The following MYO15A variants were observed in gnomAD, a reference collection of about 807,000 sequenced individuals.
The protein encoded by MYO15A is unconventional myosin-XV.
In MYO15A, 308 loss-of-function variants were observed where a neutral mutation model predicts 394.6. That is an observed-to-expected ratio of 0.78 (90% CI 0.71 to 0.86). The LOEUF (loss-of-function observed/expected upper bound fraction) is 0.86, where lower values mean the gene tolerates loss of function less well. Ranked by LOEUF, MYO15A falls within the 40% of genes least tolerant of loss-of-function variation. MYO15A has a pLI of 0.00. For missense variants in MYO15A, 4,606 were observed against 4,799.1 expected (o/e 0.96, Z 1.19); for synonymous variants, 1,957 against 2,003.8 (o/e 0.98, Z 0.62).
At position 18,146,025 on chromosome 17, in the gene MYO15A, A is replaced by G; in HGVS notation, c.6427A>G (p.Asn2143Asp). 1 of 1,613,974 alleles carries G rather than the reference A, an allele frequency of 6.2e-7. No individual in the cohort carries two copies. Among genetic ancestry groups the G allele is most frequent in the South Asian group, 1.1e-5 (1 of 91,082 alleles). ...NQVWHNHNAH[N>D]AERGWLLLAA... ...GGTGTGGCACAATCACAATGCCCAC[A>G]ATGCTGAGCGGGGCTGGCTGCTGCT... Residue 2143 changes from asparagine to aspartate, a missense_variant, in exon 30 of 66, where the codon AAT becomes GAT. By Grantham distance (23) the Asn-to-Asp change is conservative. Around this residue, in one of 2 missense-constraint regions of MYO15A, gnomAD observed 2,776 missense variants for 3,109.3 expected, o/e 0.89. Coordinates refer to ENST00000647165, the MANE Select transcript of MYO15A (RefSeq NM_016239.4).
At chr17:18,171,917 G>A in intron 63 of MYO15A, 146 bp downstream of exon 63, 1 of 1,391,582 alleles carries the variant, frequency 7.2e-7, no homozygotes, top group African/African-American at 1.4e-5. Context: ...GAGAAAACAT[G>A]TCTTTACATT....
At chr17:18,162,032 C>A (rs1029472961) in intron 57 of MYO15A, among the ~76,000 whole-genome samples, 5 of 152,170 alleles carry the variant, frequency 3.3e-5, no homozygotes, top group Non-Finnish European at 7.4e-5. Flanking sequence ...GAATGCTTCT[C>A]TCTGATTCAA....
At position 18,148,273 on chromosome 17, in the gene MYO15A, G is replaced by A. The variant is rs964913161; in HGVS notation, c.6691+63G>A. Reference sequence around the variant, plus strand: ...AGTCAGCAGGGCCCAGTGAGCCCCGGGGATGGCAGAAGCCACTGGATGTTC... The same window carrying A: ...AGTCAGCAGGGCCCAGTGAGCCCCGAGGATGGCAGAAGCCACTGGATGTTC... On this transcript the variant is annotated intron_variant, in intron 31 of 65. Coordinates refer to ENST00000647165, the MANE Select transcript of MYO15A (RefSeq NM_016239.4). This position sits in a 1 kb window ranked among gnomAD's most constrained non-coding sequence, Gnocchi z 4.8. The A allele has an allele frequency of 1.1e-5, 17 of 1,600,176 alleles. No individual in the cohort carries two copies. The African/African-American group carries it at 2.0e-4, about 19-fold the overall frequency.
chr17:18,153,653 G>A lies in MYO15A; in HGVS notation c.7967-122G>A. 1 of 1,027,010 alleles carries A rather than the reference G, an allele frequency of 9.7e-7. No individual in the cohort carries two copies. The highest frequency in any genetic ancestry group is 1.3e-6 in the Non-Finnish European group (1 of 795,782). The allele number at this position is 1,027,010 out of a possible 1,614,324, so 63.6% of individuals were successfully genotyped here. On this transcript the variant is annotated intron_variant, in intron 42 of 65. Coordinates refer to ENST00000647165, the MANE Select transcript of MYO15A (RefSeq NM_016239.4). This position sits in a 1 kb window ranked among gnomAD's most constrained non-coding sequence, Gnocchi z 4.1. ...GCGGAGCTTGCAGTGGGCCGAGATTGCGCCACTGCACTCTAGCCTGGGGGA... is the reference window on the plus strand; with the variant it reads ...GCGGAGCTTGCAGTGGGCCGAGATTACGCCACTGCACTCTAGCCTGGGGGA...
intron 17 of MYO15A, 65 bp downstream of exon 17, chr17:18,138,311 C>T: frequency 6.4e-7 from 1 of 1,565,422 alleles, no homozygotes; most frequent in South Asian, 1.1e-5. Flanking sequence ...GTCCTCATCC[C>T]ACCCTGACTC....
intron 52 of MYO15A, 103 bp downstream of exon 52, chr17:18,158,741 G>A (rs2046727659): frequency 2.0e-6 from 3 of 1,468,558 alleles, no homozygotes; most frequent in Non-Finnish European, 1.9e-6. Context: ...ACTTCTGGTG[G>A]GAGAGATGAG....
At chr17:18,172,349 C>T in intron 64 of MYO15A, 59 bp downstream of exon 64, 2 of 1,613,178 alleles carry the variant, frequency 1.2e-6, no homozygotes, top group Non-Finnish European at 1.7e-6. Flanking sequence ...TCCCCAACCC[C>T]CTCCAAGAGG....
chr17:18,130,545 T>C (rs1384775411), intron 7 of MYO15A, among the ~76,000 whole-genome samples: 3 of 151,830 alleles, frequency 2.0e-5, no homozygotes, highest in Non-Finnish European at 4.4e-5. Flanking sequence ...GATCCTTGGC[T>C]GGTGGTAGCC....
At position 18,125,171 on chromosome 17, in the gene MYO15A, C is replaced by T. The variant is rs754369786; in HGVS notation, c.3696C>T (p.Asp1232=). Residue 1232 remains aspartate, a synonymous_variant, in exon 4 of 66, where the codon GAC becomes GAT. Coordinates refer to ENST00000647165, the MANE Select transcript of MYO15A (RefSeq NM_016239.4). ...GCTTCTCTCTGTGTCCTTCTAGAGA[C>T]CTCCAGGAAACCACTGTGCTGTCCA... The part of the protein sequence containing the change: ...DGVEDMTQLE[D]LQETTVLSNL... 33 of 1,614,136 alleles carry T rather than the reference C, an allele frequency of 2.0e-5. No homozygotes were observed. The highest frequency in any genetic ancestry group is 2.6e-5 in the Non-Finnish European group (31 of 1,180,006).
intron 1 of MYO15A, among the ~76,000 whole-genome samples, chr17:18,113,724 G>A (rs2045749549): frequency 6.7e-6 from 1 of 149,598 alleles, no homozygotes; most frequent in South Asian, 2.2e-4. Flanking sequence ...CCCGGTTGAC[G>A]GAGTGAGACT....
chr17:18,156,092 G>A, intron 47 of MYO15A, 103 bp from the exon 48 acceptor site: 1 of 1,576,866 alleles, frequency 6.3e-7, no homozygotes, highest in Non-Finnish European at 8.7e-7. Flanking sequence ...GGCCAAGGTG[G>A]GGCTGGGCTT....
intron 8 of MYO15A, 84 bp downstream of exon 8, chr17:18,130,894 A>T: frequency 2.3e-6 from 3 of 1,285,198 alleles, no homozygotes; most frequent in Non-Finnish European, 3.1e-6. Context: ...ATGCGTGTGG[A>T]TGTGCCTGCT....
intron 60 of MYO15A, 53 bp from the exon 61 acceptor site, chr17:18,166,308 A>C (rs1305535052): frequency 6.2e-7 from 1 of 1,600,502 alleles, no homozygotes; most frequent in East Asian, 2.2e-5. Flanking sequence ...ACAGGTGCAC[A>C]CATGTGTGTG....
rs768198816 is a variant in MYO15A, at chr17:18,118,903, CG to C, written c.105del (p.Leu36CysfsTer52). 6.2e-7 allele frequency: 1 copy of C among 1,613,882 alleles called. No individual in the cohort carries two copies. The highest frequency in any genetic ancestry group is 8.5e-7 in the Non-Finnish European group (1 of 1,179,986). On this transcript the variant is annotated frameshift_variant, in exon 2 of 66. Coordinates refer to ENST00000647165, the MANE Select transcript of MYO15A (RefSeq NM_016239.4). LOFTEE classifies it high-confidence loss of function. ...KPKRSLKGTSRLFMGFRDRTP... is the reference protein window; with the variant it reads ...KPKRSLKGTSXLFMGFRDRTP... ...CAAACGGAGCCTGAAGGGGACGTCG[CG>C]GCTGTTCATGGGCTTCCGCGACCGT...
At position 18,119,595 on chromosome 17, in the gene MYO15A, C is replaced by T. The variant is rs776685181; in HGVS notation, c.795C>T (p.Gly265=). ...EEQEPYLAGL[G]PYSPAWPPYG... ...AGGAACCCTACCTGGCGGGCCTCGG[C>T]CCCTACAGCCCGGCCTGGCCACCCT... The change falls in exon 2 of 66, where the codon GGC becomes GGT. Residue 265 remains glycine (G), a synonymous_variant. Transcript: ENST00000647165. 8.7e-6 allele frequency: 14 copies of T among 1,604,188 alleles called. No homozygotes were observed. The highest frequency in any genetic ancestry group is 1.7e-5 in the Admixed American group (1 of 60,016).
intron 4 of MYO15A, among the ~76,000 whole-genome samples, chr17:18,125,720 A>G (rs891959480): frequency 1.4e-5 from 2 of 144,584 alleles, no homozygotes; most frequent in African/African-American, 2.5e-5. Context: ...AAAAAAAAAA[A>G]AAAAAAAAAA....
rs754982173 is a variant in MYO15A, at chr17:18,142,843, A to T, written c.5910+3A>T. On this transcript the variant is annotated splice_donor_region_variant and intron_variant, in intron 25 of 65. Coordinates refer to ENST00000647165, the MANE Select transcript of MYO15A (RefSeq NM_016239.4). ...TGAGCCGCCGACGCTATCTCAAGGT[A>T]TAGGCCCTACCCTATCTGGGTCCAA... The T allele has an allele frequency of 1.2e-6, 2 of 1,609,514 alleles. No homozygotes were observed. The highest frequency in any genetic ancestry group is 4.5e-5 in the East Asian group (2 of 44,718).
chr17:18,121,081 T>C lies in MYO15A; in HGVS notation c.2281T>C (p.Ser761Pro). The change falls in exon 2 of 66, where the codon TCT (serine) becomes CCT (proline). Residue 761 changes from serine to proline, a missense_variant. By Grantham distance (74) the Ser-to-Pro change is moderately conservative. Coordinates refer to ENST00000647165, the MANE Select transcript of MYO15A (RefSeq NM_016239.4). This position sits in a 1 kb window ranked among gnomAD's most constrained non-coding sequence, Gnocchi z 5.3. ...GGCGGCTTTCGGCTTCCCCGGGGCC[T>C]CTCCACGGGCGTCGCGGAGGCGAGC... Reference protein sequence around the residue: ...RGAAFGFPGASPRASRRRAWS... With the variant: ...RGAAFGFPGAPPRASRRRAWS... 1 of 1,504,318 alleles carries C rather than the reference T, an allele frequency of 6.6e-7. No homozygotes were observed. Among genetic ancestry groups the C allele is most frequent in the Non-Finnish European group, 8.8e-7 (1 of 1,131,070 alleles). 93.2% of individuals were successfully genotyped at this position (1,504,318 alleles called of 1,614,324 possible).
At position 18,120,061 on chromosome 17, in the gene MYO15A, C is replaced by T. The variant is rs762439635; in HGVS notation, c.1261C>T (p.Pro421Ser). 9 of 1,613,270 alleles carry T rather than the reference C, an allele frequency of 5.6e-6. No individual in the cohort carries two copies. In the East Asian group the frequency reaches 2.0e-4, roughly 36 times the overall value. ...YPWVPPPIPSPHNPYAHAMDD... is the reference protein window; with the variant it reads ...YPWVPPPIPSSHNPYAHAMDD... Reference sequence around the variant, plus strand: ...CTGGGTACCACCGCCCATCCCGTCGCCCCACAACCCGTATGCCCACGCCAT... The same window carrying T: ...CTGGGTACCACCGCCCATCCCGTCGTCCCACAACCCGTATGCCCACGCCAT... The change falls in exon 2 of 66, where the codon CCC (proline) becomes TCC (serine). Residue 421 changes from proline to serine, a missense_variant. This residue lies in a region of MYO15A where 1,830 missense variants were observed against 1,689.7 expected (regional missense o/e 1.08). Transcript: ENST00000647165.
Sources: gnomAD v4.1 joint callset for allele counts (sites outside exome capture counted in the v4.1 genomes callset) on GRCh38, gnomAD v4.1.1 for gene constraint, gnomAD v4.1.1 regional missense constraint, Gnocchi (gnomAD v3.1) non-coding constraint, MANE v1.5 for transcripts, NCBI Gene and HGNC (gene_info 2026-07-23, HGNC 2026-07-21) for gene names.